Variants in TMEM132B observed in about 807,000 individuals in gnomAD.
TMEM132B encodes the protein transmembrane protein 132B.
In TMEM132B, 18 loss-of-function variants were observed where a neutral mutation model predicts 90.8. The observed-to-expected ratio is 0.20, with a 90% CI of 0.14 to 0.29. The LOEUF (loss-of-function observed/expected upper bound fraction) is 0.29, where lower values mean the gene tolerates loss of function less well. TMEM132B is among the 10% of genes least tolerant of loss of function. The pLI, the probability that TMEM132B is intolerant of heterozygous loss-of-function variation, is 1.00. For missense variants in TMEM132B, 1,096 were observed against 1,326.8 expected, an observed-to-expected ratio of 0.83 and a Z score of 2.70; for synonymous variants, 504 against 523.3, an observed-to-expected ratio of 0.96 and a Z score of 0.50.
At chr12:125,280,649 C>A (rs1313942237) in intron 1 of TMEM132B, among the ~76,000 whole-genome samples, 2 of 152,218 alleles carry the variant, frequency 1.3e-5, no homozygotes, top group Non-Finnish European at 2.9e-5. Flanking sequence ...CTCCCCTACG[C>A]CGGGACAGCT....
At chr12:125,438,248 G>A in intron 3 of TMEM132B, among the ~76,000 whole-genome samples, 1 of 152,200 alleles carries the variant, frequency 6.6e-6, no homozygotes, top group South Asian at 2.1e-4. Context: ...ACTCTGTAAG[G>A]AAGGAGGTTT....
At position 125,654,434 on chromosome 12, in the gene TMEM132B, C is replaced by A; in HGVS notation, c.2976C>A (p.Gly992=). The A allele has an allele frequency of 6.2e-7, 1 of 1,613,606 alleles. No homozygotes were observed. The highest frequency in any genetic ancestry group is 8.5e-7 in the Non-Finnish European group (1 of 1,179,998). Reference sequence around the variant, plus strand: ...AGGAGAGGAACTTCCTTCTGAATGGCAGTTCCCAGAAGACTTTTCATAGTC... The same window carrying A: ...AGGAGAGGAACTTCCTTCTGAATGGAAGTTCCCAGAAGACTTTTCATAGTC... ...QFEERNFLLN[G]SSQKTFHSQL... Residue 992 remains glycine, a synonymous_variant, in exon 9 of 9, where the codon GGC becomes GGA. Coordinates refer to ENST00000682704, the MANE Select transcript of TMEM132B (RefSeq NM_001366854.1). This position sits in a 1 kb window ranked among gnomAD's most constrained non-coding sequence, Gnocchi z 5.8.
intron 2 of TMEM132B, among the ~76,000 whole-genome samples, chr12:125,403,428 C>T (rs545881314): frequency 1.2e-4 from 18 of 152,300 alleles, no homozygotes; most frequent in African/African-American, 4.3e-4. Flanking sequence ...TGCTCAGAGC[C>T]CAAATTCCGC....
chr12:125,381,571 G>A (rs1021831636), intron 2 of TMEM132B, among the ~76,000 whole-genome samples: 6 of 152,240 alleles, frequency 3.9e-5, no homozygotes, highest in Non-Finnish European at 8.8e-5. Flanking sequence ...CTGCCTTGGT[G>A]ATAGCGCCTA....
intron 4 of TMEM132B, among the ~76,000 whole-genome samples, chr12:125,565,669 G>A (rs1195682113): frequency 2.0e-5 from 3 of 152,184 alleles, no homozygotes; most frequent in South Asian, 4.1e-4. Flanking sequence ...TCCAGTGGCC[G>A]ATGTCCTCTC....
chr12:125,622,647 C>T (rs563013341), intron 5 of TMEM132B: 1 of 985,304 alleles, frequency 1.0e-6, no homozygotes, highest in African/African-American at 1.7e-5. Context: ...AGGTGTCCAG[C>T]CTTCTCTGGG....
chr12:125,387,320 A>G (rs1345662097), intron 2 of TMEM132B, among the ~76,000 whole-genome samples: 1 of 152,208 alleles, frequency 6.6e-6, no homozygotes, highest in Non-Finnish European at 1.5e-5. Context: ...CCTTGAACAC[A>G]GTAACTCAAA....
intron 1 of TMEM132B, among the ~76,000 whole-genome samples, chr12:125,197,215 C>A (rs12578774): frequency 6.6e-6 from 1 of 151,906 alleles, no homozygotes; most frequent in East Asian, 1.9e-4. Context: ...CCATGGAAAT[C>A]GCTAAGATTA....
At chr12:125,189,004 C>T (rs1957779338) in intron 1 of TMEM132B, among the ~76,000 whole-genome samples, 1 of 152,118 alleles carries the variant, frequency 6.6e-6, no homozygotes, top group Non-Finnish European at 1.5e-5. Flanking sequence ...TTACCGACCC[C>T]CTTTGGCTGA....
intron 4 of TMEM132B, among the ~76,000 whole-genome samples, chr12:125,545,208 T>C (rs1470644591): frequency 6.6e-6 from 1 of 152,186 alleles, no homozygotes; most frequent in Non-Finnish European, 1.5e-5. Context: ...TTTGTATAAA[T>C]GAAGTGAGTC....
At chr12:125,266,637 A>G (rs538213190) in intron 1 of TMEM132B, among the ~76,000 whole-genome samples, 1 of 152,340 alleles carries the variant, frequency 6.6e-6, no homozygotes, top group South Asian at 2.1e-4. Context: ...GCTGAGGGTC[A>G]GGTTTGGGTT....
At chr12:125,443,237 G>C (rs902192429) in intron 3 of TMEM132B, among the ~76,000 whole-genome samples, 1 of 152,212 alleles carries the variant, frequency 6.6e-6, no homozygotes, top group South Asian at 2.1e-4. Flanking sequence ...ACCCAGGTGT[G>C]AGGTGGAGGA....
At chr12:125,260,131 G>C (rs1278444397) in intron 1 of TMEM132B, among the ~76,000 whole-genome samples, 1 of 152,116 alleles carries the variant, frequency 6.6e-6, no homozygotes, top group Non-Finnish European at 1.5e-5. Context: ...AGTGTATGTT[G>C]GTACCCAGAG....
chr12:125,435,196 C>T (rs1384560599), intron 3 of TMEM132B, among the ~76,000 whole-genome samples: 1 of 152,214 alleles, frequency 6.6e-6, no homozygotes, highest in Non-Finnish European at 1.5e-5. Context: ...GTGAAACCCC[C>T]ATCTCACATC....
chr12:125,281,821 G>A (rs1432488252), intron 1 of TMEM132B, among the ~76,000 whole-genome samples: 3 of 151,944 alleles, frequency 2.0e-5, no homozygotes, highest in East Asian at 3.9e-4. Context: ...GAGGTCAGGA[G>A]ATCGAGACCA....
In TMEM132B at chr12:125,519,720, C is replaced by T. The variant is rs1362975107; in HGVS notation, c.1293+95C>T. On this transcript the variant is annotated intron_variant, in intron 4 of 8. Transcript: ENST00000682704. ...TCTGTTATTTTCCACATACCTGATA[C>T]ACTGTTTAAACAAGGAAAATATACT... is the stretch of plus-strand genomic sequence containing the variant. The T allele has an allele frequency of 4.6e-6, 6 of 1,293,170 alleles. No homozygotes were observed. The East Asian group carries it at 9.3e-5, about 20-fold the overall frequency. 80.1% of individuals were successfully genotyped at this position (1,293,170 alleles called of 1,614,324 possible). A position where few individuals can be genotyped will look rare whatever the true frequency, so the allele number is the denominator to read the frequency against.
chr12:125,214,285 C>T lies in TMEM132B; in HGVS notation c.67+27419C>T, dbSNP rs532415893. On this transcript the variant is annotated intron_variant, in intron 1 of 8. Transcript: ENST00000682704. The stretch of plus-strand genomic sequence containing the variant: ...ATTGCCATCATCAAGACCCAGCCTC[C>T]CTCTGTCTCTCAGCACTAGTTTCTT... Among the ~76,000 whole-genome samples, 37 of 152,342 alleles carry T rather than the reference C, an allele frequency of 2.4e-4. 1 individual carries two copies. The South Asian group carries it at 7.1e-3, about 29-fold the overall frequency.
At chr12:125,270,146 G>GTC (rs1218420008) in intron 1 of TMEM132B, among the ~76,000 whole-genome samples, 6 of 149,826 alleles carry the variant, frequency 4.0e-5, no homozygotes, top group Middle Eastern at 3.4e-3. Context: ...GTGTGTGTGT[G>GTC]TGTTTTAAGA....
rs558857208 is a variant in TMEM132B at position 125,458,213 on chromosome 12, GCCTTGGACAAGGCCCTTGT to G, written c.1106+42539_1106+42557del. On this transcript the variant is annotated intron_variant, in intron 3 of 8. Coordinates refer to ENST00000682704, the MANE Select transcript of TMEM132B (RefSeq NM_001366854.1). The surrounding 1 kb of genome is among the most constrained non-coding windows in gnomAD (Gnocchi z 4.9). ...GGCGTCCCTGAGGCCAAAAACAAGGGCCTTGGACAAGGCCCTTGTCCAAGGACAAGGGATGGAGCCTGGG... is the reference window on the plus strand; with the variant it reads ...GGCGTCCCTGAGGCCAAAAACAAGGGCCAAGGACAAGGGATGGAGCCTGGG... Among the ~76,000 whole-genome samples, 1,930 of 151,986 alleles carry G rather than the reference GCCTTGGACAAGGCCCTTGT, an allele frequency of 0.013. 19 individuals carry two copies. Among genetic ancestry groups the G allele is most frequent in the Middle Eastern group, 0.044 (13 of 294 alleles).
Sources: allele counts gnomAD v4.1 joint callset (sites outside exome capture counted in the v4.1 genomes callset), GRCh38; gene constraint gnomAD v4.1.1; non-coding constraint Gnocchi (gnomAD v3.1); transcripts MANE v1.5; gene names NCBI Gene and HGNC (gene_info 2026-07-23, HGNC 2026-07-21).